Variants in GPR39 observed in about 807,000 individuals in gnomAD.
GPR39 encodes the protein zinc sensing receptor.
Under a neutral mutation model 18.4 loss-of-function variants are expected in GPR39, and 23 were observed. The observed-to-expected ratio is 1.25, with a 90% confidence interval of 0.90 to 1.77. The LOEUF is 1.77. Ranked by LOEUF, GPR39 falls within the 40% of genes most tolerant of loss-of-function variation. The probability of loss-of-function intolerance (pLI) is 0.00; values close to 1 mark genes in which losing one functional copy is unlikely to be tolerated. For synonymous variants in GPR39, 280 were observed against 257.9 expected, an observed-to-expected ratio of 1.09 and a Z score of -0.82; for missense variants, 647 against 602.4, an observed-to-expected ratio of 1.07 and a Z score of -0.78.
chr2:132,461,486 A>T (rs1281948990), intron 1 of GPR39, among the ~76,000 whole-genome samples: 1 of 152,258 alleles, frequency 6.6e-6, no homozygotes, highest in African/African-American at 2.4e-5. Flanking sequence ...ACATTTAGAA[A>T]ACCATAAGAT....
rs181755793 is a variant in GPR39 at position 132,559,846 on chromosome 2, A to G, written c.857-85255A>G. On this transcript the variant is annotated intron_variant, in intron 1 of 1. Transcript: ENST00000329321. ...TCAAGAGTTCTGAATGAGACTTGAG[A>G]GAGTACATTTCTAACAAGTTCCTGG... 7.9e-5 allele frequency among the ~76,000 whole-genome samples: 12 copies of G among 152,134 alleles called. No individual in the cohort carries two copies. In the East Asian group the frequency reaches 1.9e-3, roughly 25 times the overall value.
At chr2:132,499,905 G>C (rs1016149141) in intron 1 of GPR39, among the ~76,000 whole-genome samples, 1 of 152,106 alleles carries the variant, frequency 6.6e-6, no homozygotes, top group East Asian at 1.9e-4. Context: ...GTGTACAGCA[G>C]AGCTACTGAT....
At chr2:132,451,573 AC>A (rs1418237604) in intron 1 of GPR39, among the ~76,000 whole-genome samples, 2 of 152,168 alleles carry the variant, frequency 1.3e-5, no homozygotes, top group Non-Finnish European at 2.9e-5. Context: ...ACAACAGGCT[AC>A]ATAGGGAGGA....
chr2:132,629,487 T>C (rs1395178708), intron 1 of GPR39, among the ~76,000 whole-genome samples: 1 of 152,228 alleles, frequency 6.6e-6, no homozygotes, highest in Non-Finnish European at 1.5e-5. Flanking sequence ...TTGATTCATA[T>C]AATGTGAATT....
intron 1 of GPR39, among the ~76,000 whole-genome samples, chr2:132,518,582 G>C (rs948699002): frequency 2.9e-4 from 44 of 152,186 alleles, no homozygotes; most frequent in African/African-American, 1.0e-3. Flanking sequence ...GGTCCACAGA[G>C]ATGGGCTTCC....
chr2:132,441,760 A>G (rs966595008), intron 1 of GPR39, among the ~76,000 whole-genome samples: 9 of 152,242 alleles, frequency 5.9e-5, no homozygotes, highest in Non-Finnish European at 1.2e-4. Context: ...GAGATTGTCA[A>G]TAACCTCTGA....
chr2:132,426,199 A>G (rs1680115200), intron 1 of GPR39, among the ~76,000 whole-genome samples: 1 of 152,064 alleles, frequency 6.6e-6, no homozygotes, highest in Non-Finnish European at 1.5e-5. Flanking sequence ...TCCACCAACC[A>G]CTTGTTGGTC....
intron 1 of GPR39, among the ~76,000 whole-genome samples, chr2:132,445,051 T>C (rs1410140364): frequency 6.6e-6 from 1 of 152,176 alleles, no homozygotes; most frequent in Non-Finnish European, 1.5e-5. Flanking sequence ...TTTATTTAAA[T>C]TGGGTGTCAA....
chr2:132,486,232 G>A (rs559626785), intron 1 of GPR39, among the ~76,000 whole-genome samples: 1 of 152,302 alleles, frequency 6.6e-6, no homozygotes, highest in East Asian at 1.9e-4. Context: ...AAGCTTTGTT[G>A]TTCCATTCAT....
intron 1 of GPR39, among the ~76,000 whole-genome samples, chr2:132,512,940 C>T (rs1381088667): frequency 6.6e-6 from 1 of 152,128 alleles, no homozygotes; most frequent in Non-Finnish European, 1.5e-5. Flanking sequence ...TGGCTTAAAG[C>T]ACCCATTATT....
chr2:132,521,901 C>T (rs1262413746), intron 1 of GPR39, among the ~76,000 whole-genome samples: 1 of 152,170 alleles, frequency 6.6e-6, no homozygotes, highest in Non-Finnish European at 1.5e-5. Flanking sequence ...TGTTCTTCTT[C>T]CCCCAACCCC....
At chr2:132,604,245 C>T (rs1681095184) in intron 1 of GPR39, among the ~76,000 whole-genome samples, 1 of 152,072 alleles carries the variant, frequency 6.6e-6, no homozygotes, top group African/African-American at 2.4e-5. Flanking sequence ...CAGCAGGCAA[C>T]TCATATCTGG....
At chr2:132,617,167 A>T (rs527584725) in intron 1 of GPR39, among the ~76,000 whole-genome samples, 1 of 151,594 alleles carries the variant, frequency 6.6e-6, no homozygotes, top group Admixed American at 6.6e-5. Flanking sequence ...CTGATGATGG[A>T]TACTTGGATT....
At chr2:132,495,732 A>T (rs1304092814) in intron 1 of GPR39, among the ~76,000 whole-genome samples, 1 of 152,106 alleles carries the variant, frequency 6.6e-6, no homozygotes, top group Non-Finnish European at 1.5e-5. Context: ...GAGAAATTTT[A>T]TCAGTATCTG....
Position 132,638,956 on chromosome 2 carries a change from G to A in GPR39, c.857-6145G>A, listed in dbSNP as rs537924485. On this transcript the variant is annotated intron_variant, in intron 1 of 1. Transcript: ENST00000329321. ...CTCACAGAAGGTAAGTTGCCTTTGTGTTTCTCCATCCCCTGCTCATGCCCT... is the reference window on the plus strand; with the variant it reads ...CTCACAGAAGGTAAGTTGCCTTTGTATTTCTCCATCCCCTGCTCATGCCCT... Among the ~76,000 whole-genome samples the A allele has an allele frequency of 2.2e-4, 34 of 152,228 alleles. 1 individual carries two copies. In the South Asian group the frequency reaches 7.0e-3, roughly 32 times the overall value.
chr2:132,545,960 C>T lies in GPR39; in HGVS notation c.857-99141C>T, dbSNP rs1183095347. On this transcript the variant is annotated intron_variant, in intron 1 of 1. Transcript: ENST00000329321. ...GTTGTCCTGGTCAGAGGCTAGCAGA[C>T]GAAGCGAAGTTTACCCAAGAGGTTT... Among the ~76,000 whole-genome samples, 6 of 152,228 alleles carry T rather than the reference C, an allele frequency of 3.9e-5. No homozygotes were observed. In the South Asian group the frequency reaches 6.2e-4, roughly 16 times the overall value.
chr2:132,584,609 C>T (rs530625753), intron 1 of GPR39, among the ~76,000 whole-genome samples: 7 of 151,532 alleles, frequency 4.6e-5, no homozygotes, highest in Non-Finnish European at 1.0e-4. Flanking sequence ...GGCCAAGTCT[C>T]CAGTTCTTTC....
chr2:132,485,285 T>A (rs1204917794), intron 1 of GPR39, among the ~76,000 whole-genome samples: 1 of 152,138 alleles, frequency 6.6e-6, no homozygotes, highest in Non-Finnish European at 1.5e-5. Flanking sequence ...CATCTGTGAG[T>A]CTTTTTGCTA....
At chr2:132,556,516 G>A (rs1330471267) in intron 1 of GPR39, among the ~76,000 whole-genome samples, 1 of 152,148 alleles carries the variant, frequency 6.6e-6, no homozygotes, top group Non-Finnish European at 1.5e-5. Context: ...TGGCCTATGT[G>A]GGGGTTGGGG....
Sources: allele counts gnomAD v4.1 joint callset (sites outside exome capture counted in the v4.1 genomes callset), GRCh38; gene constraint gnomAD v4.1.1; transcripts MANE v1.5; gene names NCBI Gene and HGNC (gene_info 2026-07-23, HGNC 2026-07-21).